KIF16B: variants seen among roughly 807,000 people sequenced by gnomAD.
The protein encoded by KIF16B is kinesin family member 16B, also known as kinesin-like protein KIF16B.
KIF16B carries 98 observed loss-of-function variants against 156.3 expected under a neutral mutation model. The observed-to-expected ratio is 0.63, with a 90% CI of 0.53 to 0.74. KIF16B has a LOEUF of 0.74. KIF16B is among the 30% of genes least tolerant of loss of function. The pLI is 0.00. For synonymous variants in KIF16B, 564 were observed against 583.7 expected (o/e 0.97, Z 0.49); for missense variants, 1,421 against 1,606.5 (o/e 0.88, Z 1.97).
intron 17 of KIF16B, among the ~76,000 whole-genome samples, chr20:16,395,796 T>C (rs532051523): frequency 7.2e-5 from 11 of 152,112 alleles, no homozygotes; most frequent in African/African-American, 2.4e-4. Flanking sequence ...TCTAGGAGGG[T>C]GTAATTATAT....
chr20:16,402,197 T>C (rs1327923382), intron 17 of KIF16B, among the ~76,000 whole-genome samples: 1 of 152,180 alleles, frequency 6.6e-6, no homozygotes, highest in Non-Finnish European at 1.5e-5. Flanking sequence ...TCATTTTCTC[T>C]CCATACAAGT....
intron 23 of KIF16B, among the ~76,000 whole-genome samples, chr20:16,348,094 CA>C (rs1325479636): frequency 6.6e-6 from 1 of 152,182 alleles, no homozygotes; most frequent in Non-Finnish European, 1.5e-5. Context: ...GCCTTAACAA[CA>C]GCCCCAATTT....
intron 6 of KIF16B, among the ~76,000 whole-genome samples, chr20:16,510,795 G>T (rs74181918): frequency 1.5e-3 from 226 of 152,248 alleles, no homozygotes; most frequent in Non-Finnish European, 2.3e-3. Flanking sequence ...GAACATGAAA[G>T]CACATCTCTA....
intron 15 of KIF16B, among the ~76,000 whole-genome samples, chr20:16,424,758 G>T (rs2066311458): frequency 6.6e-6 from 1 of 152,046 alleles, no homozygotes; most frequent in African/African-American, 2.4e-5. Context: ...CCATGCTTGT[G>T]GTCTGAGCAA....
chr20:16,335,011 T>C (rs2064010953), intron 24 of KIF16B, among the ~76,000 whole-genome samples: 1 of 152,246 alleles, frequency 6.6e-6, no homozygotes, highest in South Asian at 2.1e-4. Context: ...TTGTATTTTA[T>C]ATCAGATTTT....
intron 1 of KIF16B, among the ~76,000 whole-genome samples, chr20:16,557,490 T>C (rs1001420275): frequency 1.3e-5 from 2 of 152,188 alleles, no homozygotes; most frequent in African/African-American, 2.4e-5. Context: ...CACTGTGCAT[T>C]TTTTATGTAT....
Position 16,273,391 on chromosome 20 carries a change from GA to G in KIF16B, c.3815del (p.Phe1272SerfsTer3). 2 of 1,614,048 alleles carry G rather than the reference GA, an allele frequency of 1.2e-6. No homozygotes were observed. The highest frequency in any genetic ancestry group is 1.6e-4 in the Middle Eastern group (1 of 6,062). On this transcript the variant is annotated frameshift_variant, in exon 26 of 26. Coordinates refer to ENST00000354981, the MANE Select transcript of KIF16B (RefSeq NM_024704.5). LOFTEE classifies it high-confidence loss of function. ...SHLEKYLRDF[F>X]SVMLQSATSP... Reference sequence around the variant, plus strand: ...ATGTTGCGGACTGGAGCATCACGCTGAAAAAGTCCCTGAGGTATTTCTGTGG... The same window carrying G: ...ATGTTGCGGACTGGAGCATCACGCTGAAAAGTCCCTGAGGTATTTCTGTGG...
At chr20:16,385,764 T>A (rs1228282107) in intron 17 of KIF16B, among the ~76,000 whole-genome samples, 4 of 152,132 alleles carry the variant, frequency 2.6e-5, no homozygotes, top group Non-Finnish European at 5.9e-5. Flanking sequence ...GGGCAGTGGT[T>A]GACACTCACC....
At chr20:16,333,128 A>G (rs982133473) in intron 24 of KIF16B, among the ~76,000 whole-genome samples, 3 of 151,884 alleles carry the variant, frequency 2.0e-5, no homozygotes, top group African/African-American at 7.3e-5. Flanking sequence ...CATCCTCACC[A>G]CTTTTCCAGG....
intron 10 of KIF16B, among the ~76,000 whole-genome samples, chr20:16,498,758 GAATA>G (rs2068527306): frequency 6.6e-6 from 1 of 151,796 alleles, no homozygotes; most frequent in Non-Finnish European, 1.5e-5. Context: ...TCTATGAATA[GAATA>G]AATTCCTAGA....
intron 15 of KIF16B, among the ~76,000 whole-genome samples, chr20:16,426,761 T>A (rs1245835761): frequency 6.6e-6 from 1 of 152,040 alleles, no homozygotes; most frequent in East Asian, 1.9e-4. Flanking sequence ...TTAAGATGAA[T>A]ATAAATAATA....
intron 17 of KIF16B, among the ~76,000 whole-genome samples, chr20:16,385,986 A>T (rs1568921694): frequency 6.6e-6 from 1 of 152,172 alleles, no homozygotes; most frequent in East Asian, 1.9e-4. Context: ...TCAGTTTTAC[A>T]CTTATAGAAT....
intron 12 of KIF16B, among the ~76,000 whole-genome samples, chr20:16,493,127 G>A (rs2068346985): frequency 6.6e-6 from 1 of 152,158 alleles, no homozygotes; most frequent in Non-Finnish European, 1.5e-5. Context: ...CAGGAGAAGA[G>A]AAAAGTCTGA....
At chr20:16,346,084 G>A (rs373791115) in intron 23 of KIF16B, among the ~76,000 whole-genome samples, 9 of 152,344 alleles carry the variant, frequency 5.9e-5, no homozygotes, top group African/African-American at 2.2e-4. Flanking sequence ...GTCCGCAACT[G>A]TGTAACAGTT....
chr20:16,389,692 C>G (rs374393285), intron 17 of KIF16B, among the ~76,000 whole-genome samples: 2 of 152,152 alleles, frequency 1.3e-5, no homozygotes, highest in Admixed American at 6.5e-5. Context: ...TGTGCTTGTC[C>G]TATCCAATCT....
intron 1 of KIF16B, among the ~76,000 whole-genome samples, chr20:16,564,093 G>C (rs1382065285): frequency 6.6e-6 from 1 of 152,110 alleles, no homozygotes. Flanking sequence ...TCTGTCTTCT[G>C]CTGAGCCTGG....
In KIF16B at chr20:16,365,167, A is replaced by C. The variant is rs575738169; in HGVS notation, c.3498+5419T>G. The stretch of plus-strand genomic sequence containing the variant: ...TATAACTCTTTTTCTTATCAAGAAA[A>C]TATGAGAAAATACTGGATGGAACAA... On this transcript the variant is annotated intron_variant, in intron 22 of 25. Transcript: ENST00000354981. Among the ~76,000 whole-genome samples, 4 of 152,316 alleles carry C rather than the reference A, an allele frequency of 2.6e-5. No homozygotes were observed. In the South Asian group the frequency reaches 8.3e-4, roughly 32 times the overall value.
At chr20:16,513,040 C>T (rs1004048376) in intron 4 of KIF16B, 117 bp from the exon 5 acceptor site, 1 of 689,316 alleles carries the variant, frequency 1.5e-6, no homozygotes, top group Admixed American at 2.2e-5. Flanking sequence ...AACCCCTGGC[C>T]TACCACAGCC....
chr20:16,402,044 C>T (rs2065669205), intron 17 of KIF16B, among the ~76,000 whole-genome samples: 1 of 152,130 alleles, frequency 6.6e-6, no homozygotes, highest in Admixed American at 6.5e-5. Flanking sequence ...GACCTCCCCT[C>T]CCTCACTTGT....
Sources: gnomAD v4.1 joint callset for allele counts (sites outside exome capture counted in the v4.1 genomes callset) on GRCh38, gnomAD v4.1.1 for gene constraint, MANE v1.5 for transcripts, NCBI Gene and HGNC (gene_info 2026-07-23, HGNC 2026-07-21) for gene names.